Variants in HELZ observed in about 807,000 individuals in gnomAD.
HELZ encodes helicase with zinc finger.
Under a neutral mutation model 218.2 loss-of-function variants are expected in HELZ, and 23 were observed. That is an observed-to-expected ratio of 0.11 (90% confidence interval 0.08 to 0.15). The LOEUF is 0.15. HELZ is among the 10% of genes least tolerant of loss of function. The pLI, the probability that HELZ is intolerant of heterozygous loss-of-function variation, is 1.00. For missense variants in HELZ, 1,813 were observed against 2,353.7 expected (o/e 0.77, Z 4.75); for synonymous variants, 814 against 829.4 (o/e 0.98, Z 0.32).
intron 1 of HELZ, among the ~76,000 whole-genome samples, chr17:67,244,375 C>T (rs1567924873): frequency 6.6e-6 from 1 of 152,174 alleles, no homozygotes; most frequent in African/African-American, 2.4e-5. Flanking sequence ...GGCTTCCAGC[C>T]CTGTCTGAAG....
intron 20 of HELZ, 30 bp from the exon 21 acceptor site, chr17:67,145,920 G>C (rs766514495): frequency 6.3e-7 from 1 of 1,583,652 alleles, no homozygotes; most frequent in East Asian, 2.3e-5. Flanking sequence ...GAAAAAAGGG[G>C]GAAAATCTAC....
intron 12 of HELZ, chr17:67,179,634 A>T (rs1411555803): frequency 6.6e-6 from 1 of 152,204 alleles, no homozygotes; most frequent in Non-Finnish European, 1.5e-5. Flanking sequence ...CACAAGATGA[A>T]ATCCATAGTA....
chr17:67,128,405 AATG>A, intron 24 of HELZ: 1 of 509,090 alleles, frequency 2.0e-6, no homozygotes, highest in Non-Finnish European at 3.5e-6. Context: ...ATTTTATATA[AATG>A]ATACCAGAAG....
Position 67,109,130 on chromosome 17 carries a change from A to G in HELZ, c.4475T>C (p.Ile1492Thr), listed in dbSNP as rs201997321. 1.3e-5 allele frequency: 21 copies of G among 1,610,548 alleles called. No homozygotes were observed. Among genetic ancestry groups the G allele is most frequent in the African/African-American group, 4.0e-5 (3 of 74,820 alleles). ...ATAGAACTTACCTAAAGCCTCCCCT[A>G]TAGGTAATCCCGAGGGGTTCTCATC... The part of the protein sequence containing the change: ...FIDENPSGLP[I>T]GEALDRIHGS... Residue 1492 changes from isoleucine (I) to threonine (T), a missense_variant, in exon 29 of 33, where the codon ATA (isoleucine) becomes ACA (threonine). Physicochemically the swap from Ile to Thr is moderately conservative, Grantham distance 89. Transcript: ENST00000358691.
At chr17:67,216,270 C>T (rs1451323770) in intron 4 of HELZ, among the ~76,000 whole-genome samples, 1 of 152,172 alleles carries the variant, frequency 6.6e-6, no homozygotes, top group African/African-American at 2.4e-5. Context: ...ACCACGTCTC[C>T]CCACTTCCCA....
At chr17:67,151,945 C>A (rs981357313) in intron 17 of HELZ, among the ~76,000 whole-genome samples, 3 of 152,204 alleles carry the variant, frequency 2.0e-5, no homozygotes, top group African/African-American at 7.2e-5. Context: ...CACTATGCTC[C>A]AGCACACAGG....
intron 9 of HELZ, among the ~76,000 whole-genome samples, chr17:67,193,690 T>C (rs1212772581): frequency 1.3e-5 from 2 of 152,166 alleles, no homozygotes; most frequent in Non-Finnish European, 2.9e-5. Context: ...CATTCTAGCC[T>C]GGGCAATAGG....
intron 22 of HELZ, among the ~76,000 whole-genome samples, chr17:67,137,240 A>G (rs897283738): frequency 2.6e-5 from 4 of 152,178 alleles, no homozygotes; most frequent in African/African-American, 9.7e-5. Flanking sequence ...TCTCCAGGCC[A>G]AACAATCCTA....
chr17:67,245,958 C>T (rs2041472142), upstream of HELZ: 1 of 152,322 alleles, frequency 6.6e-6, no homozygotes, highest in African/African-American at 2.4e-5. Context: ...CGGACTGTGA[C>T]TCCGGGGCAG....
chr17:67,132,683 G>A (rs919223839), intron 23 of HELZ, among the ~76,000 whole-genome samples: 1 of 152,178 alleles, frequency 6.6e-6, no homozygotes, highest in Non-Finnish European at 1.5e-5. Flanking sequence ...ATAAACAGCA[G>A]CCACTATTAA....
In HELZ at chr17:67,077,719, C is replaced by CAAAAAAAAAAAAAAAAA. The variant is rs57572316; in HGVS notation, c.*532_*533insTTTTTTTTTTTTTTTTT. On this transcript the variant is annotated 3_prime_UTR_variant, in exon 33 of 33. Transcript: ENST00000358691. ...GTTTTAGAATGCAGCATCGTGTCACCAAAAAAAAAAAAAAAGCTGATAAAA... is the reference window on the plus strand; with the variant it reads ...GTTTTAGAATGCAGCATCGTGTCACCAAAAAAAAAAAAAAAAAAAAAAAAAAAAAAAAGCTGATAAAA... The CAAAAAAAAAAAAAAAAA allele has an allele frequency of 7.6e-6, 1 of 131,934 alleles. No individual in the cohort carries two copies. Among genetic ancestry groups the CAAAAAAAAAAAAAAAAA allele is most frequent in the Non-Finnish European group, 1.6e-5 (1 of 61,244 alleles). The allele number at this position is 131,934 out of a possible 1,614,324, so 8.2% of individuals were successfully genotyped here.
intron 9 of HELZ, among the ~76,000 whole-genome samples, chr17:67,192,370 T>C (rs1380350952): frequency 1.3e-5 from 2 of 152,114 alleles, no homozygotes; most frequent in East Asian, 3.8e-4. Flanking sequence ...TCACCGTATT[T>C]GAAAAAATGA....
chr17:67,212,611 G>A (rs993064571), intron 5 of HELZ, among the ~76,000 whole-genome samples: 2 of 152,052 alleles, frequency 1.3e-5, no homozygotes, highest in Non-Finnish European at 2.9e-5. Context: ...ATTTCCAAAT[G>A]TCTATTTCAA....
At chr17:67,242,530 ATATATG>A (rs371789440) in intron 2 of HELZ, among the ~76,000 whole-genome samples, 1 of 972 alleles carries the variant, frequency 1.0e-3, no homozygotes, top group Admixed American at 0.012. Context: ...ATATACACAC[ATATATG>A]TATATATACA....
intron 8 of HELZ, 121 bp from the exon 9 acceptor site, chr17:67,194,163 C>T (rs2039967976): frequency 1.5e-6 from 1 of 688,670 alleles, no homozygotes; most frequent in African/African-American, 1.8e-5. Context: ...TAAAAAAGAA[C>T]ATGACATACT....
rs886620396 is a variant in HELZ, at chr17:67,096,177, T to C, written c.5242-9096A>G. Among the ~76,000 whole-genome samples the C allele has an allele frequency of 4.4e-5, 5 of 113,918 alleles. No individual in the cohort carries two copies. In the South Asian group the frequency reaches 1.2e-3, roughly 28 times the overall value. 74.7% of individuals were successfully genotyped at this position (113,918 alleles called of 152,430 possible). Reference sequence around the variant, plus strand: ...CCACCAGCAAAGCAGTAGGTCTCAATAGTGGGTTTAAAACATGGGTTAAAC... The same window carrying C: ...CCACCAGCAAAGCAGTAGGTCTCAACAGTGGGTTTAAAACATGGGTTAAAC... On this transcript the variant is annotated intron_variant, in intron 31 of 32. Coordinates refer to ENST00000358691, the MANE Select transcript of HELZ (RefSeq NM_014877.4).
intron 21 of HELZ, among the ~76,000 whole-genome samples, chr17:67,144,484 TAAA>T (rs202236292): frequency 1.5e-5 from 2 of 129,456 alleles, no homozygotes; most frequent in African/African-American, 5.7e-5. Flanking sequence ...GAACAAATAT[TAAA>T]AAAAAAAAAA....
rs767817266 is a variant in HELZ at position 67,107,494 on chromosome 17, C to T, written c.4916G>A (p.Arg1639Lys). 123 of 1,614,012 alleles carry T rather than the reference C, an allele frequency of 7.6e-5. No homozygotes were observed. The highest frequency in any genetic ancestry group is 1.0e-4 in the Non-Finnish European group (123 of 1,180,010). Reference sequence around the variant, plus strand: ...TGGGTTGCTGGCTACTTCAATGTCTCTGCTGTTATCATTAAAGTTAGAAAA... The same window carrying T: ...TGGGTTGCTGGCTACTTCAATGTCTTTGCTGTTATCATTAAAGTTAGAAAA... ...SHFSNFNDNS[R>K]DIEVASNPAF... Residue 1639 changes from arginine to lysine, a missense_variant, in exon 31 of 33, where the codon AGA becomes AAA. Physicochemically the swap from Arg to Lys is conservative, Grantham distance 26. Around this residue, in one of 4 missense-constraint regions of HELZ, gnomAD observed 938 missense variants for 1,027.5 expected, o/e 0.91. Transcript: ENST00000358691.
rs1285428551 is a variant in HELZ at position 67,074,889 on chromosome 17, TTTG to T, written c.*3360_*3362del. 5.9e-5 allele frequency: 9 copies of T among 151,874 alleles called. No homozygotes were observed. Among genetic ancestry groups the T allele is most frequent in the Admixed American group, 1.3e-4 (2 of 15,242 alleles). 9.4% of individuals were successfully genotyped at this position (151,874 alleles called of 1,614,324 possible). On this transcript the variant is annotated 3_prime_UTR_variant, in exon 33 of 33. Coordinates refer to ENST00000358691, the MANE Select transcript of HELZ (RefSeq NM_014877.4). Reference sequence around the variant, plus strand: ...AAAAAAAAAAATCTACACAAAGCAGTTTGTTATTTCACGTGTAAAAAATGACCT... The same window carrying T: ...AAAAAAAAAAATCTACACAAAGCAGTTTATTTCACGTGTAAAAAATGACCT...
Sources: allele counts gnomAD v4.1 joint callset (sites outside exome capture counted in the v4.1 genomes callset), GRCh38; gene constraint gnomAD v4.1.1; regional missense constraint gnomAD v4.1.1; transcripts MANE v1.5; gene names NCBI Gene and HGNC (gene_info 2026-07-23, HGNC 2026-07-21).